Variants in GRM3 observed in about 807,000 individuals in gnomAD.
GRM3 encodes the protein metabotropic glutamate receptor 3.
Under a neutral mutation model 70.5 loss-of-function variants are expected in GRM3, and 26 were observed. That is an observed-to-expected ratio of 0.37 (90% CI 0.27 to 0.51). The LOEUF (loss-of-function observed/expected upper bound fraction) is 0.51. Ranked by LOEUF, GRM3 falls within the 20% of genes least tolerant of loss-of-function variation. The pLI, the probability that GRM3 is intolerant of heterozygous loss-of-function variation, is 0.93. For missense variants in GRM3, 859 were observed against 1,123.8 expected, an observed-to-expected ratio of 0.76 and a Z score of 3.37; for synonymous variants, 443 against 434.9, an observed-to-expected ratio of 1.02 and a Z score of -0.23.
intron 1 of GRM3, among the ~76,000 whole-genome samples, chr7:86,696,723 C>T (rs184271573): frequency 1.3e-5 from 2 of 149,824 alleles, no homozygotes; most frequent in African/African-American, 4.9e-5. Context: ...GTGGTGGTAG[C>T]GGTGGTAGCA....
chr7:86,843,017 T>C (rs1227529291), intron 4 of GRM3, among the ~76,000 whole-genome samples: 1 of 152,090 alleles, frequency 6.6e-6, no homozygotes, highest in Non-Finnish European at 1.5e-5. Flanking sequence ...TCAGTCTTAC[T>C]CAGTTGGAAA....
chr7:86,658,755 G>T (rs1793817277), intron 1 of GRM3, among the ~76,000 whole-genome samples: 1 of 151,564 alleles, frequency 6.6e-6, no homozygotes, highest in South Asian at 2.1e-4. Flanking sequence ...TAAAACTGGG[G>T]TATTGTGTTT....
intron 1 of GRM3, among the ~76,000 whole-genome samples, chr7:86,741,290 C>A (rs182259811): frequency 6.6e-6 from 1 of 151,982 alleles, no homozygotes; most frequent in African/African-American, 2.4e-5. Flanking sequence ...GGCGGTGGGC[C>A]GGACAGGAAA....
At chr7:86,730,600 CAT>C (rs925546575) in intron 1 of GRM3, among the ~76,000 whole-genome samples, 13 of 152,182 alleles carry the variant, frequency 8.5e-5, no homozygotes, top group Admixed American at 2.6e-4. Context: ...TTTTCAGAAA[CAT>C]ATTCCCAAAT....
chr7:86,714,932 A>G (rs916637540), intron 1 of GRM3, among the ~76,000 whole-genome samples: 2 of 152,010 alleles, frequency 1.3e-5, no homozygotes, highest in Non-Finnish European at 2.9e-5. Flanking sequence ...ACATCTGATT[A>G]CCATTTACCA....
At chr7:86,674,567 A>G (rs900989206) in intron 1 of GRM3, among the ~76,000 whole-genome samples, 9 of 152,162 alleles carry the variant, frequency 5.9e-5, no homozygotes, top group African/African-American at 1.9e-4. Flanking sequence ...TATCCTTTAC[A>G]ACTTTCAGAA....
At chr7:86,748,115 CTAT>C (rs1370563788) in intron 1 of GRM3, among the ~76,000 whole-genome samples, 25 of 151,964 alleles carry the variant, frequency 1.6e-4, no homozygotes, top group African/African-American at 5.3e-4. Flanking sequence ...GTGGATATAC[CTAT>C]TATTTCGCTT....
chr7:86,717,313 C>A (rs1456907964), intron 1 of GRM3, among the ~76,000 whole-genome samples: 1 of 151,980 alleles, frequency 6.6e-6, no homozygotes, highest in Admixed American at 6.6e-5. Context: ...TGAGATATAC[C>A]AAATTGCTCC....
At chr7:86,734,762 C>T (rs897806022) in intron 1 of GRM3, among the ~76,000 whole-genome samples, 5 of 152,096 alleles carry the variant, frequency 3.3e-5, no homozygotes, top group African/African-American at 1.2e-4. Flanking sequence ...TTTCTCTGGC[C>T]TATCATTTTT....
intron 1 of GRM3, among the ~76,000 whole-genome samples, chr7:86,684,930 T>TGGTA (rs777359968): frequency 1.8e-4 from 28 of 152,308 alleles, no homozygotes; most frequent in Non-Finnish European, 3.5e-4. Flanking sequence ...ATCAGAGAGA[T>TGGTA]GGTATGAGGA....
intron 1 of GRM3, among the ~76,000 whole-genome samples, chr7:86,705,043 T>C (rs184670328): frequency 2.4e-4 from 37 of 152,052 alleles, no homozygotes; most frequent in African/African-American, 8.4e-4. Flanking sequence ...TCCCTTTATA[T>C]AGCATTTTTT....
chr7:86,650,310 G>C (rs1793573364), intron 1 of GRM3, among the ~76,000 whole-genome samples: 1 of 151,924 alleles, frequency 6.6e-6, no homozygotes, highest in African/African-American at 2.4e-5. Context: ...CTTATTCTAA[G>C]ACCTATTTTC....
chr7:86,752,032 A>C (rs1796243781), intron 1 of GRM3, among the ~76,000 whole-genome samples: 1 of 152,132 alleles, frequency 6.6e-6, no homozygotes, highest in Non-Finnish European at 1.5e-5. Flanking sequence ...TGTAATATAC[A>C]TACAGAAAAA....
chr7:86,820,873 C>T (rs141893197), intron 3 of GRM3, among the ~76,000 whole-genome samples: 55 of 152,308 alleles, frequency 3.6e-4, no homozygotes, highest in African/African-American at 1.2e-3. Context: ...TCCCCTTCAA[C>T]GTCACCCAGT....
chr7:86,687,245 A>G (rs1050280099), intron 1 of GRM3, among the ~76,000 whole-genome samples: 1 of 151,978 alleles, frequency 6.6e-6, no homozygotes, highest in African/African-American at 2.4e-5. Context: ...GATTTTATAG[A>G]CATAAGATCC....
rs79500198 is a variant in GRM3 at position 86,690,708 on chromosome 7, G to A, written c.-141+45836G>A. On this transcript the variant is annotated intron_variant, in intron 1 of 5. Coordinates refer to ENST00000361669, the MANE Select transcript of GRM3 (RefSeq NM_000840.3). ...TAGTGAGAGAACAAGAGAGAGGACA[G>A]CTTTGCCGAGTGGGAATCAAGAGTC... is the stretch of plus-strand genomic sequence containing the variant. Among the ~76,000 whole-genome samples, 690 of 152,178 alleles carry A rather than the reference G, an allele frequency of 4.5e-3. 2 individuals carry two copies. Among genetic ancestry groups the A allele is most frequent in the Non-Finnish European group, 7.5e-3 (510 of 67,994 alleles).
At chr7:86,840,002 G>C in intron 4 of GRM3, 97 bp downstream of exon 4, 1 of 711,120 alleles carries the variant, frequency 1.4e-6, no homozygotes, top group Non-Finnish European at 2.4e-6. Flanking sequence ...ATCTCAACGA[G>C]TTGGGTAATT....
At chr7:86,817,634 C>A (rs1050450269) in intron 3 of GRM3, among the ~76,000 whole-genome samples, 2 of 151,898 alleles carry the variant, frequency 1.3e-5, no homozygotes, top group African/African-American at 2.4e-5. Context: ...GAAAATATTT[C>A]TCAGATTTTC....
Position 86,644,808 on chromosome 7 carries a change from CAG to C in GRM3, c.-204_-203del. 7.8e-7 allele frequency: 1 copy of C among 1,289,726 alleles called. No individual in the cohort carries two copies. The highest frequency in any genetic ancestry group is 1.0e-6 in the Non-Finnish European group (1 of 988,774). 79.9% of individuals were successfully genotyped at this position (1,289,726 alleles called of 1,614,324 possible). On this transcript the variant is annotated 5_prime_UTR_variant, in exon 1 of 6. The change abolishes the stop of an existing upstream ORF in the 5' untranslated region. Coordinates refer to ENST00000361669, the MANE Select transcript of GRM3 (RefSeq NM_000840.3). ...CCAACCATGAGCCAGAGCCCGGGTG[CAG>C]GCTCACCGCCGCCGCTGCCACCGCG... is the stretch of plus-strand genomic sequence containing the variant.
Sources: allele counts gnomAD v4.1 joint callset (sites outside exome capture counted in the v4.1 genomes callset), GRCh38; gene constraint gnomAD v4.1.1; transcripts MANE v1.5; gene names NCBI Gene and HGNC (gene_info 2026-07-23, HGNC 2026-07-21).